The following ROBO2 variants were observed in gnomAD, a reference collection of about 807,000 sequenced individuals.
The protein encoded by ROBO2 is roundabout guidance receptor 2.
In ROBO2, 53 loss-of-function variants were observed where a neutral mutation model predicts 160.8. The observed-to-expected ratio is 0.33, with a 90% CI of 0.26 to 0.41. The LOEUF (loss-of-function observed/expected upper bound fraction) is 0.41, where lower values mean the gene tolerates loss of function less well. ROBO2 is among the 10% of genes least tolerant of loss of function. The pLI is 1.00. For missense variants in ROBO2, 1,577 were observed against 1,722.4 expected, an observed-to-expected ratio of 0.92 and a Z score of 1.49; for synonymous variants, 664 against 611.7, an observed-to-expected ratio of 1.09 and a Z score of -1.26.
chr3:75,929,785 C>A (rs1166751086), intron 1 of ROBO2, among the ~76,000 whole-genome samples: 1 of 148,804 alleles, frequency 6.7e-6, no homozygotes, highest in Non-Finnish European at 1.5e-5. Flanking sequence ...ACCTCCTCCT[C>A]CCGGTTTCAA....
rs1181261374 is a variant in ROBO2 at position 77,097,999 on chromosome 3, C to T, written c.62-15C>T. On this transcript the variant is annotated splice_polypyrimidine_tract_variant and intron_variant, in intron 1 of 25. Coordinates refer to ENST00000461745, the Ensembl canonical transcript of ROBO2. ...GAAATGTTAAAGCTTGTCTTTATTC[C>T]GTCATGTTTTGTAGGATCGCGTCTT... 2 of 1,521,268 alleles carry T rather than the reference C, an allele frequency of 1.3e-6. No homozygotes were observed. Among genetic ancestry groups the T allele is most frequent in the South Asian group, 2.7e-5 (2 of 75,432 alleles). 94.2% of individuals were successfully genotyped at this position (1,521,268 alleles called of 1,614,324 possible).
intron 1 of ROBO2, among the ~76,000 whole-genome samples, chr3:75,923,101 T>TCTTA (rs1351143279): frequency 2.0e-5 from 3 of 152,256 alleles, no homozygotes; most frequent in Non-Finnish European, 4.4e-5. Context: ...AAGAATGCTT[T>TCTTA]TTTAAGTAGT....
intron 2 of ROBO2, among the ~76,000 whole-genome samples, chr3:76,054,015 G>A (rs73842918): frequency 0.021 from 3,123 of 152,078 alleles, 44 homozygotes; most frequent in East Asian, 0.081. Context: ...TATCTGTTTG[G>A]AACTAAATTG....
At chr3:76,871,478 C>A (rs1441858359) in intron 2 of ROBO2, among the ~76,000 whole-genome samples, 1 of 146,914 alleles carries the variant, frequency 6.8e-6, no homozygotes, top group Non-Finnish European at 1.5e-5. Context: ...GGCGTGAACC[C>A]GGGAGGCGGA....
At chr3:76,216,925 G>A (rs1703577745) in intron 2 of ROBO2, among the ~76,000 whole-genome samples, 1 of 152,100 alleles carries the variant, frequency 6.6e-6, no homozygotes, top group South Asian at 2.1e-4. Flanking sequence ...GCTCTCCTCA[G>A]CAAATGTAAA....
At chr3:77,493,471 T>C (rs1449492392) in intron 5 of ROBO2, 89 bp downstream of exon 5, 1 of 1,391,074 alleles carries the variant, frequency 7.2e-7, no homozygotes, top group Non-Finnish European at 1.0e-6. Context: ...CACCAAACAC[T>C]CCTATGTCTT....
chr3:77,037,086 G>T, upstream of ROBO2, among the ~76,000 whole-genome samples: 1 of 151,932 alleles, frequency 6.6e-6, no homozygotes, highest in East Asian at 1.9e-4. Flanking sequence ...TTGTTCTTTT[G>T]GAATTAATGT....
At chr3:76,711,342 C>A (rs2093289397) in intron 2 of ROBO2, among the ~76,000 whole-genome samples, 1 of 152,188 alleles carries the variant, frequency 6.6e-6, no homozygotes, top group Non-Finnish European at 1.5e-5. Context: ...AGAGGGAAAT[C>A]TGCCCCCATG....
At chr3:76,659,497 G>T (rs1212307983) in intron 2 of ROBO2, among the ~76,000 whole-genome samples, 4 of 151,562 alleles carry the variant, frequency 2.6e-5, no homozygotes, top group African/African-American at 9.7e-5. Context: ...GTATTCTGTT[G>T]GCCTGTGAGA....
intron 2 of ROBO2, among the ~76,000 whole-genome samples, chr3:76,725,488 C>G (rs999594500): frequency 3.9e-5 from 6 of 152,120 alleles, no homozygotes; most frequent in African/African-American, 1.4e-4. Context: ...TTATACTTGT[C>G]TCTAAAAATT....
chr3:77,291,438 C>T (rs529457765), intron 2 of ROBO2, among the ~76,000 whole-genome samples: 2 of 150,904 alleles, frequency 1.3e-5, no homozygotes, highest in Admixed American at 1.3e-4. Flanking sequence ...GGCTAGATCA[C>T]CCCAGACATG....
At chr3:77,531,870 C>T (rs770880527) in intron 6 of ROBO2, among the ~76,000 whole-genome samples, 4 of 152,022 alleles carry the variant, frequency 2.6e-5, no homozygotes, top group African/African-American at 4.8e-5. Flanking sequence ...CTGAGGTAAT[C>T]ATCTCCCTCC....
chr3:76,534,316 C>A (rs1001838932), intron 2 of ROBO2, among the ~76,000 whole-genome samples: 2 of 152,074 alleles, frequency 1.3e-5, no homozygotes, highest in African/African-American at 4.8e-5. Flanking sequence ...TCTCTAAGAA[C>A]AGTAATCAGG....
chr3:76,651,918 G>T (rs1302791447), intron 2 of ROBO2, among the ~76,000 whole-genome samples: 1 of 152,058 alleles, frequency 6.6e-6, no homozygotes, highest in African/African-American at 2.4e-5. Flanking sequence ...TCTCAAACAA[G>T]TACCTCCCCT....
intron 2 of ROBO2, among the ~76,000 whole-genome samples, chr3:77,406,050 C>T (rs2076226412): frequency 6.6e-6 from 1 of 152,190 alleles, no homozygotes; most frequent in African/African-American, 2.4e-5. Flanking sequence ...GTTTAATTGA[C>T]TCACAGTTCT....
At chr3:75,987,816 T>C (rs1278534841) in intron 2 of ROBO2, among the ~76,000 whole-genome samples, 1 of 152,026 alleles carries the variant, frequency 6.6e-6, no homozygotes, top group East Asian at 1.9e-4. Flanking sequence ...TTTTTTCCCT[T>C]GTGTTAATAT....
intron 2 of ROBO2, among the ~76,000 whole-genome samples, chr3:76,325,665 T>C (rs2072952900): frequency 6.6e-6 from 1 of 151,764 alleles, no homozygotes; most frequent in Non-Finnish European, 1.5e-5. Flanking sequence ...TTTTTATTAA[T>C]GCTACTCGAG....
At position 75,949,781 on chromosome 3, in the gene ROBO2, C is replaced by T. The variant is rs72630354; in HGVS notation, c.109+12179C>T. 5.0e-3 allele frequency among the ~76,000 whole-genome samples: 675 copies of T among 135,372 alleles called. 29 individuals are homozygous for T. The East Asian group carries it at 0.13, about 26-fold the overall frequency. The allele number at this position is 135,372 out of a possible 152,430, so 88.8% of individuals were successfully genotyped here. A position where few individuals can be genotyped will look rare whatever the true frequency, so the allele number is the denominator to read the frequency against. On this transcript the variant is annotated intron_variant, in intron 2 of 26. Coordinates refer to the ROBO2 transcript ENST00000487694. The stretch of plus-strand genomic sequence containing the variant: ...AGAAAAATAAATTCAGATTGCTCTA[C>T]ATTCCACAGATGACCCTTCTGAAAG...
intron 2 of ROBO2, among the ~76,000 whole-genome samples, chr3:76,752,475 G>A (rs1422140241): frequency 2.6e-5 from 4 of 151,650 alleles, no homozygotes; most frequent in East Asian, 3.9e-4. Flanking sequence ...CACATCCCTG[G>A]GGACATGGCC....
Sources: allele counts gnomAD v4.1 joint callset (sites outside exome capture counted in the v4.1 genomes callset), GRCh38; gene constraint gnomAD v4.1.1; transcripts MANE v1.5; gene names NCBI Gene and HGNC (gene_info 2026-07-23, HGNC 2026-07-21).